Variants in OPCML observed in about 807,000 individuals in gnomAD.
OPCML encodes opioid-binding protein/cell adhesion molecule.
OPCML carries 13 observed loss-of-function variants against 37.8 expected under a neutral mutation model. The ratio of observed to expected loss-of-function variants is 0.34; its 90% CI spans 0.22 to 0.55. OPCML has a LOEUF of 0.55. OPCML is among the 20% of genes least tolerant of loss of function. The probability of loss-of-function intolerance (pLI) is 0.91; values close to 1 mark genes in which losing one functional copy is unlikely to be tolerated. For synonymous variants in OPCML, 176 were observed against 168.8 expected (o/e 1.04, Z -0.33); for missense variants, 341 against 435.6 (o/e 0.78, Z 1.93).
chr11:133,026,210 C>T (rs1459154025), intron 1 of OPCML: 3 of 691,690 alleles, frequency 4.3e-6, no homozygotes, highest in Admixed American at 6.3e-5. Flanking sequence ...GTAAAGCTTT[C>T]GAGCCAGGTT....
At chr11:133,381,808 G>A (rs1172721885) in intron 1 of OPCML, among the ~76,000 whole-genome samples, 2 of 152,234 alleles carry the variant, frequency 1.3e-5, no homozygotes, top group African/African-American at 4.8e-5. Flanking sequence ...AACACTTTAT[G>A]TGGACACATT....
At chr11:133,142,282 C>T (rs1297292967) in intron 1 of OPCML, among the ~76,000 whole-genome samples, 5 of 152,316 alleles carry the variant, frequency 3.3e-5, no homozygotes, top group African/African-American at 1.2e-4. Context: ...GCTTGGCACT[C>T]AATGTTCTTC....
intron 1 of OPCML, among the ~76,000 whole-genome samples, chr11:133,246,775 A>C (rs1592138408): frequency 1.3e-5 from 2 of 152,286 alleles, no homozygotes. Context: ...TTTGGAAACC[A>C]GCAAACAAGT....
chr11:132,525,259 ATT>A (rs2096305022), intron 4 of OPCML, among the ~76,000 whole-genome samples: 1 of 152,010 alleles, frequency 6.6e-6, no homozygotes, highest in African/African-American at 2.4e-5. Flanking sequence ...CTTTTCTGTA[ATT>A]GTAAGGGGTG....
intron 2 of OPCML, among the ~76,000 whole-genome samples, chr11:132,690,544 G>T (rs1021721193): frequency 6.6e-6 from 1 of 152,142 alleles, no homozygotes; most frequent in Non-Finnish European, 1.5e-5. Flanking sequence ...TTCTCTCTGA[G>T]TACCAGTCTT....
chr11:133,438,862 G>A lies in OPCML; in HGVS notation c.61+93402C>T, dbSNP rs149494303. Among the ~76,000 whole-genome samples the A allele has an allele frequency of 7.0e-3, 1,073 of 152,218 alleles. 13 individuals carry two copies. Among genetic ancestry groups the A allele is most frequent in the African/African-American group, 0.024 (1,012 of 41,528 alleles). ...ATGAAACCTTCATGAAAGCCCCTAAGTATTAATAGGTTCAGAGTGCTCCCA... is the reference window on the plus strand; with the variant it reads ...ATGAAACCTTCATGAAAGCCCCTAAATATTAATAGGTTCAGAGTGCTCCCA... On this transcript the variant is annotated intron_variant, in intron 1 of 7. Coordinates refer to ENST00000524381, the MANE Select transcript of OPCML (RefSeq NM_001012393.5).
intron 3 of OPCML, among the ~76,000 whole-genome samples, chr11:132,603,268 A>G (rs1938049762): frequency 6.6e-6 from 1 of 152,150 alleles, no homozygotes; most frequent in South Asian, 2.1e-4. Context: ...AACACACCCA[A>G]AACTGACCTT....
intron 3 of OPCML, among the ~76,000 whole-genome samples, chr11:132,605,485 A>G (rs1039257946): frequency 1.1e-4 from 16 of 151,948 alleles, no homozygotes; most frequent in African/African-American, 3.9e-4. Flanking sequence ...AATAGCCTGA[A>G]CCCGGGAGGT....
intron 4 of OPCML, among the ~76,000 whole-genome samples, chr11:132,480,565 T>G (rs2096176061): frequency 1.3e-5 from 2 of 151,986 alleles, no homozygotes; most frequent in Non-Finnish European, 1.5e-5. Context: ...GACACATAAT[T>G]GTCAGATTCA....
intron 1 of OPCML, chr11:133,418,247 A>C: frequency 1.0e-6 from 1 of 985,388 alleles, no homozygotes; most frequent in Non-Finnish European, 1.2e-6. Context: ...TAAGAAGGCC[A>C]AGTACAAGGT....
chr11:132,809,719 T>C (rs965934743), intron 2 of OPCML, among the ~76,000 whole-genome samples: 1 of 152,134 alleles, frequency 6.6e-6, no homozygotes, highest in Non-Finnish European at 1.5e-5. Flanking sequence ...CTATGAGAAT[T>C]GGTCTCTGAA....
At chr11:133,006,072 G>A in intron 1 of OPCML, 2 of 985,400 alleles carry the variant, frequency 2.0e-6, no homozygotes, top group Non-Finnish European at 2.4e-6. Flanking sequence ...AATGGAGTGT[G>A]CTCATAACAG....
intron 3 of OPCML, among the ~76,000 whole-genome samples, chr11:132,610,247 A>C (rs1035001771): frequency 6.6e-6 from 1 of 152,196 alleles, no homozygotes; most frequent in Admixed American, 6.5e-5. Flanking sequence ...GCTTACATCT[A>C]GAGGGATTAC....
intron 1 of OPCML, among the ~76,000 whole-genome samples, chr11:133,453,385 ACT>A (rs765738007): frequency 2.0e-5 from 3 of 152,102 alleles, no homozygotes; most frequent in Non-Finnish European, 4.4e-5. Context: ...AGAATGTTAA[ACT>A]CTGACGGAAG....
At chr11:133,436,845 C>T (rs879932117) in intron 1 of OPCML, among the ~76,000 whole-genome samples, 1 of 152,134 alleles carries the variant, frequency 6.6e-6, no homozygotes, top group African/African-American at 2.4e-5. Flanking sequence ...AGACCTAAAC[C>T]TTTCGGTCCT....
In OPCML at chr11:132,581,307, C is replaced by T. The variant is rs188245028; in HGVS notation, c.380-52121G>A. Among the ~76,000 whole-genome samples, 12 of 152,268 alleles carry T rather than the reference C, an allele frequency of 7.9e-5. No homozygotes were observed. In the East Asian group the frequency reaches 1.7e-3, roughly 22 times the overall value. ...ATAGCCAAGCTTCAATACAACTAAA[C>T]AAATCAACCACATCCTGTCCCCTGT... On this transcript the variant is annotated intron_variant, in intron 3 of 7. Coordinates refer to ENST00000524381, the MANE Select transcript of OPCML (RefSeq NM_001012393.5).
chr11:133,176,111 A>G (rs1950368734), intron 1 of OPCML, among the ~76,000 whole-genome samples: 1 of 152,168 alleles, frequency 6.6e-6, no homozygotes, highest in African/African-American at 2.4e-5. Context: ...AATTCCATGT[A>G]CACCCAGGCT....
At chr11:133,041,051 G>T (rs1183393983) in intron 1 of OPCML, among the ~76,000 whole-genome samples, 1 of 152,142 alleles carries the variant, frequency 6.6e-6, no homozygotes, top group Non-Finnish European at 1.5e-5. Context: ...TTTATGATAG[G>T]ATTAACTATT....
intron 3 of OPCML, among the ~76,000 whole-genome samples, chr11:132,534,840 G>A (rs2096336066): frequency 6.6e-6 from 1 of 152,070 alleles, no homozygotes; most frequent in African/African-American, 2.4e-5. Context: ...CCTGGTAAAT[G>A]TTAGCTGTTA....
Sources: gnomAD v4.1 joint callset for allele counts (sites outside exome capture counted in the v4.1 genomes callset) on GRCh38, gnomAD v4.1.1 for gene constraint, MANE v1.5 for transcripts, NCBI Gene and HGNC (gene_info 2026-07-23, HGNC 2026-07-21) for gene names.